The following VPS13D variants were observed in gnomAD, a reference collection of about 807,000 sequenced individuals.
VPS13D encodes intermembrane lipid transfer protein VPS13D.
Under a neutral mutation model 461.9 loss-of-function variants are expected in VPS13D, and 187 were observed. That is an observed-to-expected ratio of 0.40 (90% CI 0.36 to 0.46). The LOEUF is 0.46. VPS13D is among the 20% of genes least tolerant of loss of function. VPS13D has a pLI of 0.60. For synonymous variants in VPS13D, 1,951 were observed against 1,986.3 expected, an observed-to-expected ratio of 0.98 and a Z score of 0.47; for missense variants, 4,711 against 5,364.9, an observed-to-expected ratio of 0.88 and a Z score of 3.81.
In VPS13D at chr1:12,496,678, G is replaced by A. The variant is rs1401554873; in HGVS notation, c.12663-822G>A. 2.0e-5 allele frequency among the ~76,000 whole-genome samples: 3 copies of A among 152,222 alleles called. 1 individual carries two copies. Among genetic ancestry groups the A allele is most frequent in the South Asian group, 4.1e-4 (2 of 4,828 alleles). ...TATGCACAGCCTTTCCAAGACAAATGTGCACTCCTGTTTCTAGGAAAACAC... is the reference window on the plus strand; with the variant it reads ...TATGCACAGCCTTTCCAAGACAAATATGCACTCCTGTTTCTAGGAAAACAC... On this transcript the variant is annotated intron_variant, in intron 67 of 69. Transcript: ENST00000620676.
chr1:12,236,721 T>C (rs1640158433), intron 2 of VPS13D, among the ~76,000 whole-genome samples: 1 of 152,146 alleles, frequency 6.6e-6, no homozygotes, highest in South Asian at 2.1e-4. Flanking sequence ...TATTTACTGT[T>C]CTAGATGCTT....
intron 55 of VPS13D, among the ~76,000 whole-genome samples, chr1:12,376,575 A>G (rs990312474): frequency 2.6e-5 from 4 of 152,306 alleles, no homozygotes; most frequent in African/African-American, 9.6e-5. Context: ...AGGCTCTAAG[A>G]GATTAAGTAA....
At chr1:12,249,608 C>A (rs1427517331) in intron 6 of VPS13D, 1 of 272,088 alleles carries the variant, frequency 3.7e-6, no homozygotes, top group Non-Finnish European at 6.9e-6. Context: ...TGATTTTTTT[C>A]TCGTGTTATG....
rs1282855099 is a variant in VPS13D at position 12,502,895 on chromosome 1, G to A, written c.12795-3958G>A. ...TGCGGATCTCTTCTGTGTGGGGCAC[G>A]TAGATTAGCTCACACCATCACAGTG... On this transcript the variant is annotated intron_variant, in intron 68 of 69. Coordinates refer to ENST00000620676, the MANE Select transcript of VPS13D (RefSeq NM_015378.4). The surrounding 1 kb of genome is among the most constrained non-coding windows in gnomAD (Gnocchi z 4.3). 1.3e-5 allele frequency among the ~76,000 whole-genome samples: 2 copies of A among 152,156 alleles called. No homozygotes were observed. Among genetic ancestry groups the A allele is most frequent in the African/African-American group, 2.4e-5 (1 of 41,444 alleles).
chr1:12,509,187 A>G lies in VPS13D; in HGVS notation c.*163A>G, dbSNP rs1646153450. On this transcript the variant is annotated 3_prime_UTR_variant, in exon 70 of 70. Coordinates refer to ENST00000620676, the MANE Select transcript of VPS13D (RefSeq NM_015378.4). Reference sequence around the variant, plus strand: ...CTCATGAGGAAAAGTACAAATGGAAATCGTATTAATTTGTGAGGCAGGGAG... The same window carrying G: ...CTCATGAGGAAAAGTACAAATGGAAGTCGTATTAATTTGTGAGGCAGGGAG... The G allele has an allele frequency of 1.2e-6, 1 of 837,822 alleles. No individual in the cohort carries two copies. The highest frequency in any genetic ancestry group is 1.8e-6 in the Non-Finnish European group (1 of 570,356). 51.9% of individuals were successfully genotyped at this position (837,822 alleles called of 1,614,324 possible).
intron 66 of VPS13D, among the ~76,000 whole-genome samples, chr1:12,459,438 C>T (rs547119581): frequency 6.6e-6 from 1 of 151,640 alleles, no homozygotes; most frequent in African/African-American, 2.4e-5. Context: ...GGAACAACTA[C>T]ATTTAGTTAT....
chr1:12,455,180 G>A (rs542515356), intron 65 of VPS13D, among the ~76,000 whole-genome samples: 10 of 152,272 alleles, frequency 6.6e-5, no homozygotes, highest in South Asian at 6.2e-4. Context: ...TCTTTCCATC[G>A]ATTTCGTTTT....
intron 44 of VPS13D, among the ~76,000 whole-genome samples, chr1:12,347,166 A>C (rs1236609130): frequency 1.3e-5 from 2 of 151,628 alleles, no homozygotes. Flanking sequence ...TTGAAACAAC[A>C]TCAGGATTTC....
chr1:12,475,064 T>G (rs1557462582), intron 67 of VPS13D, among the ~76,000 whole-genome samples: 1 of 152,128 alleles, frequency 6.6e-6, no homozygotes, highest in Non-Finnish European at 1.5e-5. Flanking sequence ...TGTGCGGAAG[T>G]GGCAGCAGTT....
chr1:12,260,274 C>T (rs1271616707), intron 10 of VPS13D, among the ~76,000 whole-genome samples: 3 of 151,978 alleles, frequency 2.0e-5, no homozygotes, highest in Non-Finnish European at 4.4e-5. Context: ...ATCCGCCCAT[C>T]TCGGCCTCCC....
chr1:12,425,938 G>A (rs572441964), intron 65 of VPS13D, among the ~76,000 whole-genome samples: 3 of 152,332 alleles, frequency 2.0e-5, no homozygotes, highest in African/African-American at 7.2e-5. Context: ...AAAACCATGA[G>A]CCGTTGGAAA....
chr1:12,244,880 C>T (rs776467160), intron 5 of VPS13D, among the ~76,000 whole-genome samples: 4 of 152,122 alleles, frequency 2.6e-5, no homozygotes, highest in African/African-American at 7.2e-5. Context: ...TTTCACTTCC[C>T]GCACTTTCTT....
intron 27 of VPS13D, among the ~76,000 whole-genome samples, chr1:12,310,429 C>G (rs1015357585): frequency 2.6e-5 from 4 of 152,162 alleles, no homozygotes; most frequent in African/African-American, 9.7e-5. Context: ...TTCACAATGC[C>G]CAGTTCACCC....
intron 65 of VPS13D, among the ~76,000 whole-genome samples, chr1:12,418,950 T>C (rs1644829011): frequency 2.0e-5 from 3 of 152,162 alleles, no homozygotes; most frequent in African/African-American, 7.2e-5. Flanking sequence ...TAGGAGTTTC[T>C]CCAGGGTCTC....
chr1:12,316,309 G>T (rs1642884694), intron 30 of VPS13D, among the ~76,000 whole-genome samples: 1 of 152,146 alleles, frequency 6.6e-6, no homozygotes, highest in African/African-American at 2.4e-5. Context: ...TTGTTAGCAA[G>T]AGGAGTGAAA....
chr1:12,408,081 G>A (rs569733568), intron 63 of VPS13D, among the ~76,000 whole-genome samples: 1 of 152,286 alleles, frequency 6.6e-6, no homozygotes, highest in South Asian at 2.1e-4. Flanking sequence ...GTGAAATGAG[G>A]AAAATAAGGC....
intron 1 of VPS13D, among the ~76,000 whole-genome samples, chr1:12,230,455 G>C (rs1456768589): frequency 6.6e-6 from 1 of 152,092 alleles, no homozygotes; most frequent in East Asian, 1.9e-4. Context: ...GCCCCCGCTG[G>C]ACCCCGGCAC....
In VPS13D at chr1:12,293,545, G is replaced by T. The variant is rs372151486; in HGVS notation, c.5874G>T (p.Leu1958=). The part of the protein sequence containing the change: ...QTFKYGRPDP[L]LRREHDIRVS... ...TTAGATACGGACGGCCTGACCCTCTGCTCCGGAGAGAACACGACATTCGCG... is the reference window on the plus strand; with the variant it reads ...TTAGATACGGACGGCCTGACCCTCTTCTCCGGAGAGAACACGACATTCGCG... The change falls in exon 24 of 70, where the codon CTG becomes CTT. Residue 1958 remains leucine, a synonymous_variant. Coordinates refer to ENST00000620676, the MANE Select transcript of VPS13D (RefSeq NM_015378.4). 4 of 1,612,372 alleles carry T rather than the reference G, an allele frequency of 2.5e-6. No homozygotes were observed. Among genetic ancestry groups the T allele is most frequent in the Non-Finnish European group, 3.4e-6 (4 of 1,178,996 alleles).
intron 67 of VPS13D, among the ~76,000 whole-genome samples, chr1:12,470,295 G>A (rs555154998): frequency 7.9e-5 from 12 of 152,330 alleles, no homozygotes; most frequent in African/African-American, 2.9e-4. Flanking sequence ...ATGGACAGAG[G>A]CCAGGGCTCA....
Sources: gnomAD v4.1 joint callset for allele counts (sites outside exome capture counted in the v4.1 genomes callset) on GRCh38, gnomAD v4.1.1 for gene constraint, Gnocchi (gnomAD v3.1) non-coding constraint, MANE v1.5 for transcripts, NCBI Gene and HGNC (gene_info 2026-07-23, HGNC 2026-07-21) for gene names.